The following SBF2 variants were observed in gnomAD, a reference collection of about 807,000 sequenced individuals.
The protein encoded by SBF2 is SET binding factor 2, also known as myotubularin-related protein 13.
SBF2 carries 112 observed loss-of-function variants against 225.2 expected under a neutral mutation model. The ratio of observed to expected loss-of-function variants is 0.50; its 90% CI spans 0.43 to 0.58. The LOEUF is 0.58. Ranked by LOEUF, SBF2 falls within the 20% of genes least tolerant of loss-of-function variation. The pLI, the probability that SBF2 is intolerant of heterozygous loss-of-function variation, is 0.00. For missense variants in SBF2, 1,996 were observed against 2,206.2 expected (o/e 0.90, Z 1.91); for synonymous variants, 763 against 773.3 (o/e 0.99, Z 0.22).
chr11:10,286,274 G>A (rs1479728500), intron 1 of SBF2, among the ~76,000 whole-genome samples: 4 of 151,486 alleles, frequency 2.6e-5, no homozygotes, highest in South Asian at 2.1e-4. Flanking sequence ...AAAACATCAC[G>A]CTGTCCACCA....
chr11:10,200,925 G>A (rs1451810058), intron 1 of SBF2, among the ~76,000 whole-genome samples: 4 of 152,046 alleles, frequency 2.6e-5, no homozygotes, highest in East Asian at 1.9e-4. Context: ...ATAATTTCCC[G>A]ATAATAATCA....
At chr11:9,801,374 T>A (rs958438570) in intron 32 of SBF2, among the ~76,000 whole-genome samples, 6 of 152,180 alleles carry the variant, frequency 3.9e-5, no homozygotes, top group Non-Finnish European at 8.8e-5. Flanking sequence ...GGGTCTTTTT[T>A]TTTGCCCATG....
upstream of SBF2, among the ~76,000 whole-genome samples, chr11:10,295,201 A>C (rs201908138): frequency 1.3e-5 from 2 of 152,306 alleles, no homozygotes; most frequent in East Asian, 3.9e-4. Flanking sequence ...CTCACTATTA[A>C]TTGAGGGTTT....
chr11:10,203,178 T>A (rs1957629808), intron 1 of SBF2, among the ~76,000 whole-genome samples: 1 of 151,986 alleles, frequency 6.6e-6, no homozygotes. Flanking sequence ...TCACAGAGTA[T>A]CAAAGAGAAG....
chr11:10,214,537 C>T (rs1172073224), intron 1 of SBF2, among the ~76,000 whole-genome samples: 1 of 152,110 alleles, frequency 6.6e-6, no homozygotes, highest in African/African-American at 2.4e-5. Context: ...GCAGGATAAT[C>T]GCTTGAACCT....
chr11:10,231,605 G>A (rs867977644), intron 1 of SBF2, among the ~76,000 whole-genome samples: 8 of 152,170 alleles, frequency 5.3e-5, no homozygotes, highest in African/African-American at 1.7e-4. Context: ...TATCAGCAGC[G>A]GTGGCTGCAG....
intron 31 of SBF2, chr11:9,808,536 T>A: frequency 2.4e-6 from 1 of 421,118 alleles, no homozygotes; most frequent in Non-Finnish European, 4.4e-6. Flanking sequence ...TAATGTAGTC[T>A]GAACTCACAC....
chr11:9,881,460 A>G (rs1318581498), intron 17 of SBF2, among the ~76,000 whole-genome samples: 1 of 152,140 alleles, frequency 6.6e-6, no homozygotes. Flanking sequence ...CTCATCTCTC[A>G]TAACTACAGA....
rs747884942 is a variant in SBF2, at chr11:10,002,598, A to G, written c.711T>C (p.Ala237=). The G allele has an allele frequency of 6.2e-7, 1 of 1,612,974 alleles. No individual in the cohort carries two copies. The highest frequency in any genetic ancestry group is 1.1e-5 in the South Asian group (1 of 91,058). The change falls in exon 7 of 40, where the codon GCT becomes GCC. Residue 237 remains alanine, a synonymous_variant. Coordinates refer to ENST00000256190, the MANE Select transcript of SBF2 (RefSeq NM_030962.4). The stretch of plus-strand genomic sequence containing the variant: ...ACATTAAAGATTCCAGGGCTCTACA[A>G]GCATCACTAAGTCTCTGGAAACTTG... ...HSASFQRLSD[A]CRALESLMFP... is the part of the protein sequence containing the mutation.
chr11:10,223,399 TTATATATATATATATATATA>T (rs3074175), intron 1 of SBF2, among the ~76,000 whole-genome samples: 1,609 of 59,292 alleles, frequency 0.027, 61 homozygotes, highest in Non-Finnish European at 0.041. Flanking sequence ...ATTTTGCACA[TTATATATATATATATATATA>T]TATATATATA....
At chr11:9,909,352 A>T (rs1471063409) in intron 16 of SBF2, among the ~76,000 whole-genome samples, 2 of 151,286 alleles carry the variant, frequency 1.3e-5, no homozygotes, top group African/African-American at 4.8e-5. Context: ...GAAGGAAGGT[A>T]AAAAAAACCT....
intron 35 of SBF2, chr11:9,788,097 T>C: frequency 3.2e-6 from 1 of 315,694 alleles, no homozygotes; most frequent in South Asian, 3.2e-5. Flanking sequence ...CCAGCCCTAA[T>C]AGCTGAGGTA....
At chr11:10,145,434 G>A (rs141137705) in intron 2 of SBF2, among the ~76,000 whole-genome samples, 2 of 152,046 alleles carry the variant, frequency 1.3e-5, no homozygotes, top group East Asian at 1.9e-4. Flanking sequence ...AATCAGTTAT[G>A]AGACCACCCA....
chr11:10,196,847 T>C (rs1372252030), intron 1 of SBF2, among the ~76,000 whole-genome samples: 1 of 19,746 alleles, frequency 5.1e-5, no homozygotes, highest in Non-Finnish European at 1.9e-4. Context: ...AATATATATA[T>C]ATATATATAT....
intron 1 of SBF2, among the ~76,000 whole-genome samples, chr11:10,291,972 C>G (rs1964187267): frequency 6.6e-6 from 1 of 152,144 alleles, no homozygotes; most frequent in South Asian, 2.1e-4. Flanking sequence ...AACAGACAAT[C>G]CCAAATTGAG....
At chr11:10,168,834 A>G (rs1956076485) in intron 2 of SBF2, among the ~76,000 whole-genome samples, 1 of 152,228 alleles carries the variant, frequency 6.6e-6, no homozygotes, top group Admixed American at 6.5e-5. Flanking sequence ...CAGGAAAAAC[A>G]GTTATACTGC....
chr11:9,969,462 C>A (rs187914117), intron 13 of SBF2, among the ~76,000 whole-genome samples: 3 of 152,190 alleles, frequency 2.0e-5, no homozygotes, highest in African/African-American at 7.2e-5. Context: ...AAACAACTTA[C>A]AACACCCTAC....
intron 17 of SBF2, among the ~76,000 whole-genome samples, chr11:9,886,755 C>T (rs543195232): frequency 6.8e-6 from 1 of 146,650 alleles, no homozygotes; most frequent in Non-Finnish European, 1.5e-5. Context: ...CTCTTTATCT[C>T]ATTCCCACCT....
rs535916339 is a variant in SBF2 at position 10,213,569 on chromosome 11, C to G, written c.56-19582G>C. Among the ~76,000 whole-genome samples the G allele has an allele frequency of 3.3e-5, 5 of 152,290 alleles. No homozygotes were observed. In the South Asian group the frequency reaches 8.3e-4, roughly 25 times the overall value. On this transcript the variant is annotated intron_variant, in intron 1 of 39. Coordinates refer to ENST00000256190, the MANE Select transcript of SBF2 (RefSeq NM_030962.4). ...ATAAACTAGTAAAATTCTTGCAATT[C>G]TTTTGATGCACAAAACTTGTCTTTC...
Sources: gnomAD v4.1 joint callset for allele counts (sites outside exome capture counted in the v4.1 genomes callset) on GRCh38, gnomAD v4.1.1 for gene constraint, MANE v1.5 for transcripts, NCBI Gene and HGNC (gene_info 2026-07-23, HGNC 2026-07-21) for gene names.